The following CHFR variants were observed in gnomAD, a reference collection of about 807,000 sequenced individuals.
The protein encoded by CHFR is E3 ubiquitin-protein ligase CHFR.
Under a neutral mutation model 87.6 loss-of-function variants are expected in CHFR, and 57 were observed. The observed-to-expected ratio is 0.65, with a 90% CI of 0.53 to 0.81. The LOEUF (loss-of-function observed/expected upper bound fraction) is 0.81, where lower values mean the gene tolerates loss of function less well. CHFR is among the 30% of genes least tolerant of loss of function. CHFR has a pLI of 0.00. For missense variants in CHFR, 797 were observed against 865.8 expected (o/e 0.92, Z 1.00); for synonymous variants, 381 against 359.2 (o/e 1.06, Z -0.69).
At chr12:132,882,859 C>G in intron 2 of CHFR, 1 of 152,110 alleles carries the variant, frequency 6.6e-6, no homozygotes, top group East Asian at 1.9e-4. Context: ...ATATGCACCA[C>G]CACGCTCAGC....
intron 13 of CHFR, 32 bp from the exon 14 acceptor site, chr12:132,848,187 TATA>T: frequency 6.2e-7 from 1 of 1,614,066 alleles, no homozygotes; most frequent in Non-Finnish European, 8.5e-7. Context: ...GTTACCTGTT[TATA>T]ATGATGTCGC....
At chr12:132,870,219 G>A (rs1253832856) in intron 5 of CHFR, among the ~76,000 whole-genome samples, 1 of 152,164 alleles carries the variant, frequency 6.6e-6, no homozygotes, top group Non-Finnish European at 1.5e-5. Flanking sequence ...GGGCATGGTA[G>A]CGACTGCCTG....
At chr12:132,851,965 A>T (rs911594911) in intron 11 of CHFR, among the ~76,000 whole-genome samples, 6 of 151,798 alleles carry the variant, frequency 4.0e-5, no homozygotes, top group South Asian at 2.1e-4. Context: ...CTGGAGCAAG[A>T]TTTCAAAGAT....
intron 3 of CHFR, among the ~76,000 whole-genome samples, chr12:132,872,626 G>A (rs1226079551): frequency 2.0e-5 from 3 of 152,030 alleles, no homozygotes; most frequent in African/African-American, 7.2e-5. Flanking sequence ...ACCTCCTCAC[G>A]TGCTTGGCAG....
chr12:132,858,447 G>A (rs920248797), intron 8 of CHFR, among the ~76,000 whole-genome samples: 1 of 151,852 alleles, frequency 6.6e-6, no homozygotes, highest in African/African-American at 2.4e-5. Flanking sequence ...CAGGGTGGCT[G>A]GGAGTAGTGG....
At chr12:132,846,230 T>G (rs1024690025) in intron 15 of CHFR, among the ~76,000 whole-genome samples, 1 of 150,844 alleles carries the variant, frequency 6.6e-6, no homozygotes, top group African/African-American at 2.4e-5. Context: ...TAGAAGCTGC[T>G]GGAATATGTC....
At chr12:132,886,470 C>T (rs1005893152) in intron 2 of CHFR, among the ~76,000 whole-genome samples, 1 of 151,866 alleles carries the variant, frequency 6.6e-6, no homozygotes, top group South Asian at 2.1e-4. Context: ...AATTTTCAGA[C>T]AAACTAAACA....
chr12:132,862,041 A>G, intron 6 of CHFR: 1 of 205,224 alleles, frequency 4.9e-6, no homozygotes, highest in Non-Finnish European at 1.0e-5. Context: ...GGGAGGCCGA[A>G]GCAAGTGGAT....
intron 11 of CHFR, 143 bp downstream of exon 11, chr12:132,853,288 G>A (rs1259160511): frequency 1.2e-6 from 1 of 844,142 alleles, no homozygotes; most frequent in Admixed American, 4.1e-5. Flanking sequence ...TGTGAGTGCA[G>A]GGAGACCAAT....
chr12:132,855,584 T>C (rs1381703353), intron 10 of CHFR, among the ~76,000 whole-genome samples: 1 of 152,090 alleles, frequency 6.6e-6, no homozygotes, highest in Non-Finnish European at 1.5e-5. Context: ...GGAGAATCGC[T>C]TGAACCCAGG....
chr12:132,873,365 C>A (rs1207484214), intron 3 of CHFR, among the ~76,000 whole-genome samples: 1 of 152,230 alleles, frequency 6.6e-6, no homozygotes, highest in Non-Finnish European at 1.5e-5. Flanking sequence ...CCCGTAAAAC[C>A]TCCGAAACCA....
At chr12:132,866,608 CAGAAA>C (rs1566193349) in intron 6 of CHFR, 21 of 151,472 alleles carry the variant, frequency 1.4e-4, no homozygotes, top group Middle Eastern at 6.8e-3. Flanking sequence ...TACAACACAC[CAGAAA>C]GTTACAACAC....
chr12:132,847,371 G>GA, intron 14 of CHFR: 1 of 1,190,476 alleles, frequency 8.4e-7, no homozygotes, highest in Non-Finnish European at 1.1e-6. Flanking sequence ...TCTCTCAAAA[G>GA]TTCTGCCAAG....
intron 6 of CHFR, chr12:132,866,907 G>A (rs61952807): frequency 0.15 from 22,747 of 152,232 alleles, 2,256 homozygotes; most frequent in South Asian, 0.22. Context: ...GGTGGTGCGC[G>A]CCTGTGACCC....
intron 10 of CHFR, among the ~76,000 whole-genome samples, chr12:132,856,063 C>T (rs757723701): frequency 1.3e-4 from 20 of 152,190 alleles, no homozygotes; most frequent in East Asian, 7.7e-4. Flanking sequence ...ACTTTATAGT[C>T]GCTAGATCAA....
chr12:132,872,079 T>G, intron 4 of CHFR: 1 of 519,766 alleles, frequency 1.9e-6, no homozygotes, highest in Non-Finnish European at 3.4e-6. Context: ...GTGGTATTCC[T>G]GAGGAATGGC....
intron 2 of CHFR, among the ~76,000 whole-genome samples, chr12:132,886,175 G>T (rs939839335): frequency 2.0e-5 from 3 of 152,142 alleles, no homozygotes; most frequent in Admixed American, 6.6e-5. Context: ...AGCCAGGCAT[G>T]GTGGCGCACG....
chr12:132,842,978 G>C (rs1950733719), intron 17 of CHFR, 33 bp downstream of exon 17: 1 of 1,576,646 alleles, frequency 6.3e-7, no homozygotes, highest in Non-Finnish European at 8.7e-7. Flanking sequence ...TCATCACTCT[G>C]TAGCTGACGC....
intron 17 of CHFR, among the ~76,000 whole-genome samples, 170 bp downstream of exon 17, chr12:132,842,841 A>G (rs1293228469): frequency 6.6e-6 from 1 of 152,242 alleles, no homozygotes; most frequent in Non-Finnish European, 1.5e-5. Context: ...CGGAGATAAA[A>G]CTGCATGAAA....
Sources: gnomAD v4.1 joint callset for allele counts (sites outside exome capture counted in the v4.1 genomes callset) on GRCh38, gnomAD v4.1.1 for gene constraint, MANE v1.5 for transcripts, NCBI Gene and HGNC (gene_info 2026-07-23, HGNC 2026-07-21) for gene names.